Variants in NECAB2 observed in about 807,000 individuals in gnomAD.
NECAB2 encodes the protein N-terminal EF-hand calcium binding protein 2, also known as N-terminal EF-hand calcium-binding protein 2.
A neutral mutation model predicts 51.9 loss-of-function variants in NECAB2; 68 were observed. The ratio of observed to expected loss-of-function variants is 1.31; its 90% confidence interval spans 1.08 to 1.60. The LOEUF is 1.60. Ranked by LOEUF, NECAB2 falls within the 40% of genes most tolerant of loss-of-function variation. The pLI is 0.00. For synonymous variants in NECAB2, 329 were observed against 203.5 expected, an observed-to-expected ratio of 1.62 and a Z score of -5.25; for missense variants, 854 against 490.3, an observed-to-expected ratio of 1.74 and a Z score of -7.00.
At chr16:83,997,914 G>C (rs1302422282) in intron 9 of NECAB2, among the ~76,000 whole-genome samples, 4 of 152,182 alleles carry the variant, frequency 2.6e-5, no homozygotes, top group Admixed American at 1.3e-4. Context: ...GATGTGCTGT[G>C]TCTCCAGGCC....
intron 9 of NECAB2, among the ~76,000 whole-genome samples, chr16:83,997,855 G>A (rs142683871): frequency 3.2e-4 from 49 of 152,258 alleles, no homozygotes; most frequent in African/African-American, 1.2e-3. Flanking sequence ...CAGCCAGACA[G>A]TGATGTGAAA....
At position 83,994,362 on chromosome 16, in the gene NECAB2, C is replaced by T. The variant is rs34348308; in HGVS notation, c.657C>T (p.Pro219=). 47 of 1,614,098 alleles carry T rather than the reference C, an allele frequency of 2.9e-5. No homozygotes were observed. Among genetic ancestry groups the T allele is most frequent in the African/African-American group, 5.3e-5 (4 of 74,938 alleles). ...AGACCTGGTGTGGAAGCCCCACTCC[C>T]GCCTCTGCCCCCAACCACAAGCTCA... ...AAQTWCGSPT[P]ASAPNHKLMA... is the part of the protein sequence containing the mutation. Residue 219 remains proline, a synonymous_variant, in exon 7 of 13, where the codon CCC becomes CCT. Coordinates refer to ENST00000305202, the MANE Select transcript of NECAB2 (RefSeq NM_019065.3).
chr16:83,969,002 C>G (rs1244790010), intron 1 of NECAB2, among the ~76,000 whole-genome samples, 153 bp downstream of exon 1: 1 of 151,494 alleles, frequency 6.6e-6, no homozygotes, highest in Non-Finnish European at 1.5e-5. Flanking sequence ...AGCGGGAGCC[C>G]CCAGCCCCGC....
chr16:83,968,827 G>A lies in NECAB2; in HGVS notation c.179G>A (p.Gly60Glu), dbSNP rs2084318264. 7 of 1,122,750 alleles carry A rather than the reference G, an allele frequency of 6.2e-6. No individual in the cohort carries two copies. The South Asian group carries it at 3.0e-4, about 48-fold the overall frequency. 69.5% of individuals were successfully genotyped at this position (1,122,750 alleles called of 1,614,324 possible). The change falls in exon 1 of 13, where the codon GGG (glycine) becomes GAG (glutamate). Residue 60 changes from glycine to glutamate, a missense_variant. By Grantham distance (98) the Gly-to-Glu change is moderately conservative. Coordinates refer to ENST00000305202, the MANE Select transcript of NECAB2 (RefSeq NM_019065.3). Reference protein sequence around the residue: ...PADPGPASPRGGTAVILDIFR... With the variant: ...PADPGPASPREGTAVILDIFR... ...GACCCCGGCCCAGCCTCGCCGCGCG[G>A]GGGCACCGCCGTCATCCTGGACGTG...
At chr16:83,974,497 A>G (rs1371584088) in intron 2 of NECAB2, among the ~76,000 whole-genome samples, 1 of 152,090 alleles carries the variant, frequency 6.6e-6, no homozygotes, top group African/African-American at 2.4e-5. Context: ...TCAGCAGGGA[A>G]TTCGGTCTGG....
In NECAB2 at chr16:84,002,661, C is replaced by A; in HGVS notation, c.*315C>A. ...CCACGCATGACCCACACTGACCACA[C>A]CCTGCCCTCTTCGGTGACATTCTTC... On this transcript the variant is annotated 3_prime_UTR_variant, in exon 13 of 13. Coordinates refer to ENST00000305202, the MANE Select transcript of NECAB2 (RefSeq NM_019065.3). 3 of 462,858 alleles carry A rather than the reference C, an allele frequency of 6.5e-6. No homozygotes were observed. Among genetic ancestry groups the A allele is most frequent in the South Asian group, 5.4e-5 (2 of 37,314 alleles). 28.7% of individuals were successfully genotyped at this position (462,858 alleles called of 1,614,324 possible).
chr16:83,968,654 C>T lies in NECAB2; in HGVS notation c.6C>T (p.Cys2=). 2 of 980,768 alleles carry T rather than the reference C, an allele frequency of 2.0e-6. No homozygotes were observed. Among genetic ancestry groups the T allele is most frequent in the Non-Finnish European group, 2.4e-6 (2 of 828,530 alleles). The allele number at this position is 980,768 out of a possible 1,614,324, so 60.8% of individuals were successfully genotyped here. ...GCGGCGGCGGGCGCGGCGCGATGTGCGAGCGGGCGGCGCGCCTGTGCAGGG... is the reference window on the plus strand; with the variant it reads ...GCGGCGGCGGGCGCGGCGCGATGTGTGAGCGGGCGGCGCGCCTGTGCAGGG... M[C]ERAARLCRAG... The change falls in exon 1 of 13, where the codon TGC becomes TGT. Residue 2 remains cysteine (C), a synonymous_variant. Coordinates refer to ENST00000305202, the MANE Select transcript of NECAB2 (RefSeq NM_019065.3).
intron 2 of NECAB2, among the ~76,000 whole-genome samples, chr16:83,977,633 C>T (rs1415002623): frequency 2.0e-5 from 3 of 152,134 alleles, no homozygotes; most frequent in Admixed American, 6.5e-5. Flanking sequence ...CTCAGAAGCA[C>T]AGCCTCTGGC....
At chr16:83,970,778 C>G (rs981908318) in intron 1 of NECAB2, among the ~76,000 whole-genome samples, 1 of 152,168 alleles carries the variant, frequency 6.6e-6, no homozygotes, top group Non-Finnish European at 1.5e-5. Flanking sequence ...ACCGCAGAAG[C>G]TGGGATCCTT....
At chr16:84,001,688 C>G in intron 11 of NECAB2, 137 bp from the exon 12 acceptor site, 1 of 872,116 alleles carries the variant, frequency 1.1e-6, no homozygotes, top group Non-Finnish European at 1.8e-6. Context: ...CACCTTCCCA[C>G]AAAGGCTCTG....
chr16:83,998,099 G>A, intron 9 of NECAB2, 106 bp from the exon 10 acceptor site: 4 of 956,854 alleles, frequency 4.2e-6, no homozygotes, highest in South Asian at 1.5e-5. Context: ...AGTGGGGGAG[G>A]GTTATTTTAT....
intron 2 of NECAB2, among the ~76,000 whole-genome samples, chr16:83,975,011 C>A (rs565295222): frequency 9.1e-6 from 1 of 109,360 alleles, no homozygotes; most frequent in East Asian, 2.7e-4. Flanking sequence ...AACCGGTGTG[C>A]AGGGATGAGA....
At chr16:83,966,128 T>C (rs1269071200), upstream of NECAB2, 13 of 819,306 alleles carry the variant, frequency 1.6e-5, no homozygotes, top group Non-Finnish European at 2.0e-5. Flanking sequence ...TTGCTGGCCT[T>C]TGGGGTCAAG....
Position 83,972,184 on chromosome 16 carries a change from C to A in NECAB2, c.226+9C>A. 6.2e-7 allele frequency: 1 copy of A among 1,613,528 alleles called. No individual in the cohort carries two copies. On this transcript the variant is annotated intron_variant, in intron 2 of 12. Coordinates refer to ENST00000305202, the MANE Select transcript of NECAB2 (RefSeq NM_019065.3). The stretch of plus-strand genomic sequence containing the variant: ...CCGTGCGGACAAAAATGGTGAGTTT[C>A]CCTTCCAGGCCGACGGCCGCCCCAC...
chr16:83,993,785 G>C (rs1467943175), intron 6 of NECAB2, among the ~76,000 whole-genome samples: 2 of 152,120 alleles, frequency 1.3e-5, no homozygotes, highest in African/African-American at 4.8e-5. Flanking sequence ...CCCAGGTCAG[G>C]ATCACAGTTT....
At chr16:83,995,864 G>C (rs1009889325) in intron 8 of NECAB2, among the ~76,000 whole-genome samples, 1 of 152,170 alleles carries the variant, frequency 6.6e-6, no homozygotes, top group Non-Finnish European at 1.5e-5. Context: ...GGAGCGGCTC[G>C]GAGGGGACCC....
chr16:83,988,346 C>G (rs962882806), intron 5 of NECAB2, among the ~76,000 whole-genome samples: 2 of 152,082 alleles, frequency 1.3e-5, no homozygotes, highest in Non-Finnish European at 2.9e-5. Flanking sequence ...CTAGTTTTCA[C>G]TTCATCAGTT....
chr16:84,000,885 G>T, intron 11 of NECAB2, 84 bp downstream of exon 11: 2 of 1,370,720 alleles, frequency 1.5e-6, no homozygotes, highest in South Asian at 2.4e-5. Flanking sequence ...ATCCTTGGAG[G>T]GGAGGGTAAG....
At chr16:83,995,782 A>C (rs566494910) in intron 8 of NECAB2, among the ~76,000 whole-genome samples, 1 of 152,172 alleles carries the variant, frequency 6.6e-6, no homozygotes, top group Admixed American at 6.5e-5. Context: ...AGTCCGAGGG[A>C]GGAAGCTCAA....
Sources: allele counts gnomAD v4.1 joint callset (sites outside exome capture counted in the v4.1 genomes callset), GRCh38; gene constraint gnomAD v4.1.1; transcripts MANE v1.5; gene names NCBI Gene and HGNC (gene_info 2026-07-23, HGNC 2026-07-21).